The following LRBA variants were observed in gnomAD, a reference collection of about 807,000 sequenced individuals.
The protein encoded by LRBA is lipopolysaccharide-responsive and beige-like anchor protein.
Under a neutral mutation model 330.0 loss-of-function variants are expected in LRBA, and 176 were observed. That is an observed-to-expected ratio of 0.53 (90% CI 0.47 to 0.60). The LOEUF is 0.60. LRBA is among the 20% of genes least tolerant of loss of function. The pLI is 0.00. For synonymous variants in LRBA, 1,230 were observed against 1,193.0 expected, an observed-to-expected ratio of 1.03 and a Z score of -0.64; for missense variants, 3,259 against 3,444.8, an observed-to-expected ratio of 0.95 and a Z score of 1.35.
In LRBA at chr4:150,843,911, C is replaced by T. The variant is rs575068585; in HGVS notation, c.4569+189G>A. ...TAATATCACTATGCTGATCTGCTAGCTCGCTTTATATAAACTATCTTTTCT... is the reference window on the plus strand; with the variant it reads ...TAATATCACTATGCTGATCTGCTAGTTCGCTTTATATAAACTATCTTTTCT... On this transcript the variant is annotated intron_variant, in intron 28 of 56. Transcript: ENST00000651943. 3.3e-5 allele frequency among the ~76,000 whole-genome samples: 5 copies of T among 152,260 alleles called. No individual in the cohort carries two copies. In the South Asian group the frequency reaches 1.0e-3, roughly 32 times the overall value.
At chr4:150,409,200 G>T (rs888301353) in intron 47 of LRBA, among the ~76,000 whole-genome samples, 2 of 151,994 alleles carry the variant, frequency 1.3e-5, no homozygotes, top group African/African-American at 4.8e-5. Context: ...GGAGAAGACA[G>T]CCACATATAA....
intron 40 of LRBA, among the ~76,000 whole-genome samples, chr4:150,587,300 G>A (rs1772232529): frequency 6.6e-6 from 1 of 152,102 alleles, no homozygotes; most frequent in East Asian, 1.9e-4. Context: ...CTATCAGCCT[G>A]CAAAATAAAT....
intron 37 of LRBA, among the ~76,000 whole-genome samples, chr4:150,623,608 ATT>A (rs1413879599): frequency 2.0e-5 from 3 of 152,094 alleles, no homozygotes; most frequent in Non-Finnish European, 4.4e-5. Flanking sequence ...ACATCAAACT[ATT>A]TACCTCCTCA....
intron 35 of LRBA, among the ~76,000 whole-genome samples, chr4:150,741,078 T>G (rs1452895556): frequency 6.6e-6 from 1 of 152,052 alleles, no homozygotes; most frequent in African/African-American, 2.4e-5. Flanking sequence ...GAAGATTACA[T>G]AAGAGAGCAT....
At chr4:150,446,712 C>T (rs547958431) in intron 44 of LRBA, among the ~76,000 whole-genome samples, 93 of 152,272 alleles carry the variant, frequency 6.1e-4, no homozygotes, top group African/African-American at 2.1e-3. Context: ...TCGAATAAAA[C>T]GGGAGCAGCC....
intron 40 of LRBA, among the ~76,000 whole-genome samples, chr4:150,504,708 A>T (rs986195279): frequency 1.3e-5 from 2 of 152,218 alleles, no homozygotes; most frequent in African/African-American, 4.8e-5. Flanking sequence ...TAGCCAGCTG[A>T]CATCATAATG....
intron 40 of LRBA, 83 bp from the exon 41 acceptor site, chr4:150,491,118 A>C (rs2152104338): frequency 1.7e-6 from 1 of 577,054 alleles, no homozygotes; most frequent in African/African-American, 1.9e-5. Context: ...AATAGAAAAG[A>C]CCCTATTAAG....
intron 28 of LRBA, among the ~76,000 whole-genome samples, chr4:150,837,084 T>G (rs557002038): frequency 6.6e-6 from 1 of 152,358 alleles, no homozygotes; most frequent in African/African-American, 2.4e-5. Context: ...GGTTGCTCAG[T>G]TTCCATGTAG....
At chr4:150,557,755 C>T (rs1050760880) in intron 40 of LRBA, among the ~76,000 whole-genome samples, 3 of 152,182 alleles carry the variant, frequency 2.0e-5, no homozygotes, top group African/African-American at 7.2e-5. Flanking sequence ...CGCATCACAT[C>T]ATATCATATC....
chr4:150,792,709 G>A (rs1740141733), intron 34 of LRBA, among the ~76,000 whole-genome samples: 1 of 152,094 alleles, frequency 6.6e-6, no homozygotes, highest in Non-Finnish European at 1.5e-5. Context: ...GTCTTGCTAT[G>A]TTGCCCAGGC....
At position 150,699,001 on chromosome 4, in the gene LRBA, G is replaced by A. The variant is rs114857101; in HGVS notation, c.5755-15284C>T. ...TACTGCATAGTCCAGGTCTATAGAC[G>A]CTACAACATATATGATAAATTGGGG... On this transcript the variant is annotated intron_variant, in intron 36 of 56. Coordinates refer to ENST00000651943, the MANE Select transcript of LRBA (RefSeq NM_001364905.1). Among the ~76,000 whole-genome samples the A allele has an allele frequency of 2.4e-3, 366 of 152,222 alleles. 1 individual carries two copies. The highest frequency in any genetic ancestry group is 8.2e-3 in the African/African-American group (341 of 41,548).
chr4:150,767,839 A>T (rs182250571), intron 34 of LRBA, among the ~76,000 whole-genome samples: 31 of 151,522 alleles, frequency 2.0e-4, no homozygotes, highest in Non-Finnish European at 5.9e-5. Context: ...CGAGGTGGGC[A>T]GACCAGGAGG....
chr4:151,014,340 T>C, intron 2 of LRBA, 87 bp downstream of exon 2: 1 of 1,058,992 alleles, frequency 9.4e-7, no homozygotes, highest in Non-Finnish European at 1.4e-6. Flanking sequence ...ACCATCAGTG[T>C]GAGTAAACCA....
intron 31 of LRBA, among the ~76,000 whole-genome samples, chr4:150,815,804 A>G (rs1236125248): frequency 2.6e-5 from 4 of 151,948 alleles, no homozygotes; most frequent in African/African-American, 9.7e-5. Context: ...TTTACCATGT[A>G]AAGAAGGTAG....
At chr4:150,851,624 A>C (rs537759890) in intron 23 of LRBA, among the ~76,000 whole-genome samples, 3 of 152,362 alleles carry the variant, frequency 2.0e-5, no homozygotes, top group Non-Finnish European at 4.4e-5. Flanking sequence ...TTTATAAACT[A>C]AAATTATACC....
At chr4:150,375,690 G>A (rs116206753) in intron 47 of LRBA, among the ~76,000 whole-genome samples, 5,236 of 150,052 alleles carry the variant, frequency 0.035, 175 homozygotes, top group African/African-American at 0.075. Flanking sequence ...TCCTGACCTC[G>A]TGATCCGCTT....
Position 150,291,133 on chromosome 4 carries a change from A to G in LRBA, c.8018-5099T>C, listed in dbSNP as rs1728240542. ...CCCCCCACCCCACCACAGTCCCCAG[A>G]GTGTGATATTCCCCTTCCTGTGTCC... On this transcript the variant is annotated intron_variant, in intron 53 of 56. Transcript: ENST00000651943. 3.8e-5 allele frequency among the ~76,000 whole-genome samples: 5 copies of G among 133,034 alleles called. No homozygotes were observed. In the South Asian group the frequency reaches 1.0e-3, roughly 28 times the overall value. 87.3% of individuals were successfully genotyped at this position (133,034 alleles called of 152,430 possible). A position where few individuals can be genotyped will look rare whatever the true frequency, so the allele number is the denominator to read the frequency against.
intron 40 of LRBA, among the ~76,000 whole-genome samples, chr4:150,529,546 T>A (rs1326644991): frequency 1.3e-5 from 2 of 152,072 alleles, no homozygotes; most frequent in Admixed American, 6.5e-5. Flanking sequence ...TGAAACTCCA[T>A]TTCTACTAAG....
chr4:150,752,661 T>G (rs1313980914), intron 35 of LRBA, among the ~76,000 whole-genome samples: 1 of 152,054 alleles, frequency 6.6e-6, no homozygotes, highest in Non-Finnish European at 1.5e-5. Flanking sequence ...CTCCATAAAG[T>G]TATTTCATCC....
Sources: gnomAD v4.1 joint callset for allele counts (sites outside exome capture counted in the v4.1 genomes callset) on GRCh38, gnomAD v4.1.1 for gene constraint, MANE v1.5 for transcripts, NCBI Gene and HGNC (gene_info 2026-07-23, HGNC 2026-07-21) for gene names.